PPP1R12A: variants seen among roughly 807,000 people sequenced by gnomAD.
The protein encoded by PPP1R12A is protein phosphatase 1 regulatory subunit 12A, also known as myosin binding subunit.
PPP1R12A carries 19 observed loss-of-function variants against 139.6 expected under a neutral mutation model. That is an observed-to-expected ratio of 0.14 (90% confidence interval 0.09 to 0.20). PPP1R12A has a LOEUF of 0.20. Among genes scored for constraint, PPP1R12A ranks in the 10% least tolerant of loss-of-function variants. The probability of loss-of-function intolerance (pLI) is 1.00; values close to 1 mark genes in which losing one functional copy is unlikely to be tolerated. For synonymous variants in PPP1R12A, 427 were observed against 420.6 expected, an observed-to-expected ratio of 1.02 and a Z score of -0.19; for missense variants, 925 against 1,211.5, an observed-to-expected ratio of 0.76 and a Z score of 3.51.
intron 8 of PPP1R12A, 113 bp from the exon 9 acceptor site, chr12:79,817,631 T>C (rs1875570333): frequency 1.9e-6 from 2 of 1,030,364 alleles, no homozygotes; most frequent in Non-Finnish European, 2.7e-6. Flanking sequence ...ACTAAAAGTC[T>C]TTCCCCACTG....
chr12:79,929,053 T>A (rs1888057162), intron 1 of PPP1R12A, among the ~76,000 whole-genome samples: 1 of 152,212 alleles, frequency 6.6e-6, no homozygotes, highest in Non-Finnish European at 1.5e-5. Context: ...AATGACAATT[T>A]TTCCACAGAT....
At chr12:79,861,768 G>C (rs1373708542) in intron 2 of PPP1R12A, among the ~76,000 whole-genome samples, 1 of 152,188 alleles carries the variant, frequency 6.6e-6, no homozygotes, top group Non-Finnish European at 1.5e-5. Context: ...ATCTGCCATT[G>C]CTGGGCTTGA....
intron 1 of PPP1R12A, among the ~76,000 whole-genome samples, chr12:79,901,572 C>T (rs1208344254): frequency 6.6e-6 from 1 of 150,466 alleles, no homozygotes; most frequent in Non-Finnish European, 1.5e-5. Flanking sequence ...TATTACCACA[C>T]AATAATCATA....
At chr12:79,896,072 A>G (rs891487014) in intron 1 of PPP1R12A, among the ~76,000 whole-genome samples, 1 of 152,122 alleles carries the variant, frequency 6.6e-6, no homozygotes, top group Non-Finnish European at 1.5e-5. Flanking sequence ...GTCATAAAGT[A>G]CAAGAAACAA....
intron 5 of PPP1R12A, chr12:79,825,327 A>C (rs1420283978): frequency 6.6e-6 from 1 of 152,160 alleles, no homozygotes; most frequent in African/African-American, 2.4e-5. Flanking sequence ...TTGGTAAGAG[A>C]AATTCCAACC....
At chr12:79,909,376 C>T (rs964320333) in intron 1 of PPP1R12A, among the ~76,000 whole-genome samples, 5 of 152,154 alleles carry the variant, frequency 3.3e-5, no homozygotes, top group African/African-American at 4.8e-5. Context: ...CCAAATAGAT[C>T]CTTCTGAAGA....
At chr12:79,780,984 GTTTTTATA>G in intron 23 of PPP1R12A, among the ~76,000 whole-genome samples, 1 of 151,952 alleles carries the variant, frequency 6.6e-6, no homozygotes, top group Non-Finnish European at 1.5e-5. Flanking sequence ...GAAGAAAAAT[GTTTTTATA>G]TCAATAGCTC....
intron 2 of PPP1R12A, among the ~76,000 whole-genome samples, chr12:79,859,188 T>G (rs1881020146): frequency 6.6e-6 from 1 of 151,408 alleles, no homozygotes; most frequent in African/African-American, 2.4e-5. Flanking sequence ...ACAAAAAAAA[T>G]CAGCTGGGCA....
intron 2 of PPP1R12A, among the ~76,000 whole-genome samples, chr12:79,853,851 A>C (rs1303912388): frequency 6.6e-6 from 1 of 152,234 alleles, no homozygotes; most frequent in African/African-American, 2.4e-5. Context: ...TACACATTTT[A>C]ATGTCATTGA....
chr12:79,901,515 C>CA lies in PPP1R12A; in HGVS notation c.238-28578dup, dbSNP rs1404538544. ...TCCTTGTTTGTGAATGGTGTCATTA[C>CA]AAAAAAAAAAAGTATGTGAAAAGTG... On this transcript the variant is annotated intron_variant, in intron 1 of 24. Coordinates refer to ENST00000450142, the MANE Select transcript of PPP1R12A (RefSeq NM_002480.3). 8.1e-3 allele frequency among the ~76,000 whole-genome samples: 1,120 copies of CA among 138,088 alleles called. 9 individuals carry two copies. The highest frequency in any genetic ancestry group is 0.022 in the African/African-American group (811 of 37,644). 90.6% of individuals were successfully genotyped at this position (138,088 alleles called of 152,430 possible).
chr12:79,790,453 T>A lies in PPP1R12A; in HGVS notation c.2666+14A>T. 7.6e-7 allele frequency: 1 copy of A among 1,321,994 alleles called. No homozygotes were observed. The highest frequency in any genetic ancestry group is 1.0e-6 in the Non-Finnish European group (1 of 984,390). 81.9% of individuals were successfully genotyped at this position (1,321,994 alleles called of 1,614,324 possible). On this transcript the variant is annotated intron_variant, in intron 20 of 24. Transcript: ENST00000450142. Reference sequence around the variant, plus strand: ...TAAGAAAAAAATGTCAGTTAAAAAATAAATAAAACATACCTAGAAATGGAA... The same window carrying A: ...TAAGAAAAAAATGTCAGTTAAAAAAAAAATAAAACATACCTAGAAATGGAA...
chr12:79,881,164 C>A (rs1427717165), intron 1 of PPP1R12A, among the ~76,000 whole-genome samples: 1 of 152,084 alleles, frequency 6.6e-6, no homozygotes, highest in Non-Finnish European at 1.5e-5. Flanking sequence ...CCTACAATCA[C>A]CTCTAAGTAC....
chr12:79,870,992 A>T (rs767498062), intron 2 of PPP1R12A, among the ~76,000 whole-genome samples: 12 of 149,624 alleles, frequency 8.0e-5, no homozygotes, highest in Non-Finnish European at 1.5e-4. Context: ...CTTGCAATCC[A>T]TTTTTTTTTT....
chr12:79,886,550 A>C (rs1363429628), intron 1 of PPP1R12A, among the ~76,000 whole-genome samples: 1 of 152,170 alleles, frequency 6.6e-6, no homozygotes, highest in East Asian at 1.9e-4. Flanking sequence ...GGAACTCTTC[A>C]TTTGGACAAA....
intron 1 of PPP1R12A, among the ~76,000 whole-genome samples, chr12:79,919,861 T>C (rs1245936752): frequency 6.6e-6 from 1 of 152,190 alleles, no homozygotes. Context: ...CACTGATAAA[T>C]ATATACGTTC....
intron 1 of PPP1R12A, among the ~76,000 whole-genome samples, chr12:79,894,720 A>T (rs1322201391): frequency 3.3e-5 from 5 of 152,208 alleles, no homozygotes; most frequent in African/African-American, 1.2e-4. Flanking sequence ...TTAAACAAAT[A>T]CAAAAATGTA....
intron 2 of PPP1R12A, among the ~76,000 whole-genome samples, chr12:79,859,107 G>A (rs561392416): frequency 3.3e-5 from 5 of 152,184 alleles, no homozygotes; most frequent in South Asian, 2.1e-4. Context: ...AGGCCAAGGC[G>A]GGCAGATCAC....
At chr12:79,921,855 G>A (rs1887465503) in intron 1 of PPP1R12A, among the ~76,000 whole-genome samples, 1 of 152,244 alleles carries the variant, frequency 6.6e-6, no homozygotes, top group East Asian at 1.9e-4. Flanking sequence ...AAGAAAAAAG[G>A]AAGAACACTT....
intron 1 of PPP1R12A, among the ~76,000 whole-genome samples, chr12:79,933,094 C>A (rs377755943): frequency 0.032 from 4,911 of 152,176 alleles, 112 homozygotes; most frequent in Middle Eastern, 0.068. Flanking sequence ...TAAAATTTTA[C>A]GAGTTATGAT....
Sources: allele counts gnomAD v4.1 joint callset (sites outside exome capture counted in the v4.1 genomes callset), GRCh38; gene constraint gnomAD v4.1.1; transcripts MANE v1.5; gene names NCBI Gene and HGNC (gene_info 2026-07-23, HGNC 2026-07-21).